NEMP1: variants seen among roughly 807,000 people sequenced by gnomAD.
NEMP1 encodes transmembrane protein 194.
NEMP1 carries 29 observed loss-of-function variants against 53.7 expected under a neutral mutation model. The observed-to-expected ratio is 0.54, with a 90% CI of 0.40 to 0.74. The LOEUF is 0.74. Ranked by LOEUF, NEMP1 falls within the 30% of genes least tolerant of loss-of-function variation. NEMP1 has a pLI of 0.00. For synonymous variants in NEMP1, 193 were observed against 192.9 expected, an observed-to-expected ratio of 1.00 and a Z score of 0.00; for missense variants, 477 against 528.6, an observed-to-expected ratio of 0.90 and a Z score of 0.96.
chr12:57,086,120 T>C (rs1029809874), intron 1 of NEMP1, among the ~76,000 whole-genome samples: 1 of 151,920 alleles, frequency 6.6e-6, no homozygotes, highest in African/African-American at 2.4e-5. Context: ...CCTTGCTGAG[T>C]GAGTCGGATC....
upstream of NEMP1, chr12:57,078,892 C>G (rs2032759597): frequency 1.2e-6 from 1 of 828,888 alleles, no homozygotes; most frequent in East Asian, 2.7e-5. Context: ...TCCAAGGGCC[C>G]TATGAGTCCC....
Position 57,056,861 on chromosome 12 carries a change from GAATCTATT to G in NEMP1, c.*3010_*3017del, listed in dbSNP as rs1482877215. On this transcript the variant is annotated 3_prime_UTR_variant, in exon 9 of 9. Transcript: ENST00000300128. The stretch of plus-strand genomic sequence containing the variant: ...CAAGAGACGGCTGGGCCCTAGAATG[GAATCTATT>G]AGCATAAAATGGAACAGTGGGACCC... 1 of 152,260 alleles carries G rather than the reference GAATCTATT, an allele frequency of 6.6e-6. No homozygotes were observed. The highest frequency in any genetic ancestry group is 6.5e-5 in the Admixed American group (1 of 15,296). 9.4% of individuals were successfully genotyped at this position (152,260 alleles called of 1,614,324 possible). A position where few individuals can be genotyped will look rare whatever the true frequency, so the allele number is the denominator to read the frequency against.
At position 57,087,661 on chromosome 12, in the gene NEMP1, CCCA is replaced by C. The variant is rs2033052331; in HGVS notation, n.113+287_113+289del. Reference sequence around the variant, plus strand: ...AACAACGCGCTCCTTCTCCCCGGACCCCACAAGGCGGAAAGGTCTCCTCGCTAG... The same window carrying C: ...AACAACGCGCTCCTTCTCCCCGGACCCAAGGCGGAAAGGTCTCCTCGCTAG... On this transcript the variant is annotated intron_variant and non_coding_transcript_variant, in intron 1 of 2. Transcript: ENST00000553654. Among the ~76,000 whole-genome samples, 5 of 152,246 alleles carry C rather than the reference CCCA, an allele frequency of 3.3e-5. No individual in the cohort carries two copies. The Middle Eastern group carries it at 0.017, about 518-fold the overall frequency.
chr12:57,069,721 CTGGCTGCTTTTCTTGCCCA>C, intron 3 of NEMP1, among the ~76,000 whole-genome samples: 1 of 151,740 alleles, frequency 6.6e-6, no homozygotes, highest in African/African-American at 2.4e-5. Context: ...TGTTCTCTAA[CTGGCTGCTTTTCTTGCCCA>C]ACAATACCAC....
rs750431388 is a variant in NEMP1, at chr12:57,072,938, A to T, written c.128-26T>A. The T allele has an allele frequency of 3.1e-6, 5 of 1,592,078 alleles. No individual in the cohort carries two copies. In the African/African-American group the frequency reaches 6.7e-5, roughly 21 times the overall value. ...CTTTATGCAAAGAAAGGAAACAAGA[A>T]TTAAACATAACAAGCTAATAACTAT... On this transcript the variant is annotated intron_variant, in intron 1 of 8. Transcript: ENST00000300128.
At chr12:57,071,743 G>A (rs1157109414) in intron 2 of NEMP1, among the ~76,000 whole-genome samples, 1 of 151,526 alleles carries the variant, frequency 6.6e-6, no homozygotes, top group African/African-American at 2.4e-5. Context: ...ATGGCCCCCA[G>A]CTACTCAAGA....
chr12:57,082,968 CTG>C (rs1372510462), upstream of NEMP1, among the ~76,000 whole-genome samples: 6 of 152,220 alleles, frequency 3.9e-5, no homozygotes, highest in African/African-American at 1.4e-4. Context: ...CTGCAATGAG[CTG>C]TGATTGCACC....
intron 5 of NEMP1, among the ~76,000 whole-genome samples, 160 bp from the exon 6 acceptor site, chr12:57,064,345 T>C (rs1487257390): frequency 6.6e-6 from 1 of 152,096 alleles, no homozygotes; most frequent in Admixed American, 6.6e-5. Context: ...CTTAAAATGG[T>C]ACAGTCTGCA....
Position 57,059,712 on chromosome 12 carries a change from G to A in NEMP1, c.*167C>T. 1.7e-6 allele frequency: 1 copy of A among 591,514 alleles called. No homozygotes were observed. The highest frequency in any genetic ancestry group is 3.0e-5 in the Admixed American group (1 of 33,362). 36.6% of individuals were successfully genotyped at this position (591,514 alleles called of 1,614,324 possible). ...ACTCTCCTTCCTCAGGGATCCCATA[G>A]AGACCTCCCATTTCCAAAGGGAGGC... is the stretch of plus-strand genomic sequence containing the variant. On this transcript the variant is annotated 3_prime_UTR_variant, in exon 9 of 9. Coordinates refer to ENST00000300128, the MANE Select transcript of NEMP1 (RefSeq NM_001130963.2).
chr12:57,080,653 G>C (rs1380666929), upstream of NEMP1, among the ~76,000 whole-genome samples: 2 of 150,944 alleles, frequency 1.3e-5, no homozygotes, highest in African/African-American at 4.9e-5. Context: ...ACTTTTGGGA[G>C]GTTGAGGTGG....
At chr12:57,063,084 C>T in intron 7 of NEMP1, 35 bp downstream of exon 7, 1 of 1,515,180 alleles carries the variant, frequency 6.6e-7, no homozygotes, top group Non-Finnish European at 9.2e-7. Context: ...CCACAATGTA[C>T]CTGTCAATAT....
chr12:57,069,309 G>C lies in NEMP1; in HGVS notation c.473-3C>G. The stretch of plus-strand genomic sequence containing the variant: ...AAGAAAGAGTTTGGGATCAAATCCT[G>C]AAATAAATAAAGATTTTTGCTTAAT... On this transcript the variant is annotated splice_region_variant and splice_polypyrimidine_tract_variant and intron_variant, in intron 3 of 8. Transcript: ENST00000300128. The C allele has an allele frequency of 6.5e-7, 1 of 1,537,032 alleles. No individual in the cohort carries two copies. The highest frequency in any genetic ancestry group is 8.8e-7 in the Non-Finnish European group (1 of 1,141,258).
chr12:57,068,098 A>C (rs1336201229), intron 4 of NEMP1, among the ~76,000 whole-genome samples: 2 of 151,886 alleles, frequency 1.3e-5, no homozygotes, highest in East Asian at 3.9e-4. Flanking sequence ...TCTACCAGTT[A>C]TTCCTCCCTG....
At chr12:57,087,318 G>C (rs1436896874) in intron 1 of NEMP1, among the ~76,000 whole-genome samples, 1 of 152,192 alleles carries the variant, frequency 6.6e-6, no homozygotes, top group Non-Finnish European at 1.5e-5. Context: ...GGGAGGGAGG[G>C]GGGCGCCTCG....
At chr12:57,067,884 C>T (rs1017316955) in intron 4 of NEMP1, among the ~76,000 whole-genome samples, 4 of 152,118 alleles carry the variant, frequency 2.6e-5, no homozygotes, top group African/African-American at 9.7e-5. Flanking sequence ...ATCCTCCTAC[C>T]TCAGACTCCC....
chr12:57,078,966 C>T (rs17119418), upstream of NEMP1, among the ~76,000 whole-genome samples: 13,762 of 152,270 alleles, frequency 0.09, 654 homozygotes, highest in East Asian at 0.18. Flanking sequence ...AAAATGGGTT[C>T]TCACCCTAGC....
At chr12:57,085,484 G>A (rs2032965554) in intron 1 of NEMP1, among the ~76,000 whole-genome samples, 1 of 152,194 alleles carries the variant, frequency 6.6e-6, no homozygotes, top group African/African-American at 2.4e-5. Flanking sequence ...ATTGCACTAT[G>A]TTGTAATTAT....
At chr12:57,069,124 CA>C (rs1373494394) in intron 4 of NEMP1, 109 bp downstream of exon 4, 1 of 663,256 alleles carries the variant, frequency 1.5e-6, no homozygotes, top group Admixed American at 3.8e-5. Flanking sequence ...AGGCAACGGC[CA>C]AGCCATAAAG....
intron 1 of NEMP1, among the ~76,000 whole-genome samples, chr12:57,084,500 TC>T (rs949528863): frequency 6.6e-6 from 1 of 152,102 alleles, no homozygotes; most frequent in African/African-American, 2.4e-5. Context: ...ATCTGTTCTT[TC>T]CCCCCATGCC....
Sources: allele counts gnomAD v4.1 joint callset (sites outside exome capture counted in the v4.1 genomes callset), GRCh38; gene constraint gnomAD v4.1.1; transcripts MANE v1.5; gene names NCBI Gene and HGNC (gene_info 2026-07-23, HGNC 2026-07-21).